LRRTM4: variants seen among roughly 807,000 people sequenced by gnomAD.
LRRTM4 encodes the protein leucine-rich repeat transmembrane neuronal protein 4.
LRRTM4 carries 25 observed loss-of-function variants against 47.6 expected under a neutral mutation model. The ratio of observed to expected loss-of-function variants is 0.53; its 90% confidence interval spans 0.38 to 0.73. The LOEUF (loss-of-function observed/expected upper bound fraction) is 0.73, where lower values mean the gene tolerates loss of function less well. LRRTM4 is among the 30% of genes least tolerant of loss of function. LRRTM4 has a pLI of 0.00. For synonymous variants in LRRTM4, 311 were observed against 269.5 expected, an observed-to-expected ratio of 1.15 and a Z score of -1.51; for missense variants, 638 against 713.4, an observed-to-expected ratio of 0.89 and a Z score of 1.20.
intron 3 of LRRTM4, among the ~76,000 whole-genome samples, chr2:77,150,944 A>G (rs751228353): frequency 6.6e-6 from 1 of 152,044 alleles, no homozygotes; most frequent in Non-Finnish European, 1.5e-5. Flanking sequence ...CCTTCCATTT[A>G]TTCAACAGGT....
At chr2:76,805,703 T>A (rs1408108212) in intron 3 of LRRTM4, among the ~76,000 whole-genome samples, 1 of 152,160 alleles carries the variant, frequency 6.6e-6, no homozygotes, top group South Asian at 2.1e-4. Context: ...ACGCATACCA[T>A]GTATGAAGCA....
chr2:76,809,659 T>C (rs1200443966), intron 3 of LRRTM4, among the ~76,000 whole-genome samples: 2 of 152,186 alleles, frequency 1.3e-5, no homozygotes, highest in Non-Finnish European at 2.9e-5. Context: ...CTCTTCTGCT[T>C]AGTGTCTGCC....
chr2:76,807,835 C>A, intron 3 of LRRTM4, among the ~76,000 whole-genome samples: 1 of 151,886 alleles, frequency 6.6e-6, no homozygotes, highest in East Asian at 1.9e-4. Flanking sequence ...CCTGCCCCAG[C>A]CTCCCAAAGT....
chr2:77,440,377 G>A (rs548846312), intron 3 of LRRTM4, among the ~76,000 whole-genome samples: 230 of 152,204 alleles, frequency 1.5e-3, no homozygotes, highest in Non-Finnish European at 2.7e-3. Flanking sequence ...TCGTGCCACT[G>A]CACTCCAGCC....
chr2:76,880,257 G>A (rs1210136712), intron 3 of LRRTM4, among the ~76,000 whole-genome samples: 1 of 152,068 alleles, frequency 6.6e-6, no homozygotes, highest in East Asian at 1.9e-4. Flanking sequence ...AACACCAAGG[G>A]AAACTTTATT....
rs1213543985 is a variant in LRRTM4 at position 76,979,790 on chromosome 2, C to G, written c.1552-230874G>C. Reference sequence around the variant, plus strand: ...GTATTTGAAGATGTTTCAGCTCACACCAACATGGCTATATATTAAAATAGT... The same window carrying G: ...GTATTTGAAGATGTTTCAGCTCACAGCAACATGGCTATATATTAAAATAGT... On this transcript the variant is annotated intron_variant, in intron 3 of 3. Transcript: ENST00000409884. 2.6e-5 allele frequency among the ~76,000 whole-genome samples: 4 copies of G among 151,896 alleles called. No individual in the cohort carries two copies. In the East Asian group the frequency reaches 7.8e-4, roughly 29 times the overall value.
intron 3 of LRRTM4, among the ~76,000 whole-genome samples, chr2:77,255,589 A>G (rs538703375): frequency 7.9e-4 from 121 of 152,208 alleles, no homozygotes; most frequent in African/African-American, 2.7e-3. Context: ...CTGCAATGGC[A>G]TCAGAGTAGC....
chr2:77,294,415 A>C (rs1676913425), intron 3 of LRRTM4, among the ~76,000 whole-genome samples: 1 of 152,140 alleles, frequency 6.6e-6, no homozygotes, highest in Non-Finnish European at 1.5e-5. Flanking sequence ...TGCATTTGGC[A>C]GAATGTATTC....
At chr2:77,004,740 AG>A (rs2104037846) in intron 3 of LRRTM4, among the ~76,000 whole-genome samples, 1 of 152,290 alleles carries the variant, frequency 6.6e-6, no homozygotes, top group African/African-American at 2.4e-5. Flanking sequence ...ACTCACTGCC[AG>A]CACATGAAAG....
At chr2:77,452,321 G>T (rs145742475) in intron 3 of LRRTM4, among the ~76,000 whole-genome samples, 1 of 152,156 alleles carries the variant, frequency 6.6e-6, no homozygotes, top group East Asian at 1.9e-4. Context: ...ATATTTAGGT[G>T]GTGGAACCAA....
At chr2:77,032,629 T>C (rs1678702643) in intron 3 of LRRTM4, among the ~76,000 whole-genome samples, 1 of 152,156 alleles carries the variant, frequency 6.6e-6, no homozygotes, top group Non-Finnish European at 1.5e-5. Flanking sequence ...TCCTAAAAGC[T>C]GTTCAGTTTT....
chr2:77,198,076 G>T (rs1020037270), intron 3 of LRRTM4, among the ~76,000 whole-genome samples: 1 of 152,120 alleles, frequency 6.6e-6, no homozygotes, highest in African/African-American at 2.4e-5. Context: ...CAAAACCTCA[G>T]TAGTTTAAAC....
chr2:76,749,098 C>T (rs1024752732), intron 3 of LRRTM4, among the ~76,000 whole-genome samples, 182 bp from the exon 4 acceptor site: 24 of 152,148 alleles, frequency 1.6e-4, no homozygotes, highest in African/African-American at 4.8e-4. Flanking sequence ...GTTTTGTCAG[C>T]ATATTATGTG....
chr2:77,075,759 C>CA (rs1463384172), intron 3 of LRRTM4, among the ~76,000 whole-genome samples: 1 of 149,656 alleles, frequency 6.7e-6, no homozygotes, highest in Non-Finnish European at 1.5e-5. Flanking sequence ...ACTAAAAATA[C>CA]AAAAAATTAG....
chr2:77,505,027 A>G (rs1678715002), intron 3 of LRRTM4, among the ~76,000 whole-genome samples: 1 of 151,340 alleles, frequency 6.6e-6, no homozygotes, highest in African/African-American at 2.4e-5. Flanking sequence ...TAGAGCTAGA[A>G]AAAGATAAAT....
chr2:76,938,004 G>A (rs747591475), intron 3 of LRRTM4, among the ~76,000 whole-genome samples: 2 of 151,968 alleles, frequency 1.3e-5, no homozygotes, highest in African/African-American at 2.4e-5. Flanking sequence ...TTCATTAATT[G>A]ATTTTCCTTT....
chr2:76,982,455 C>G (rs149927874), intron 3 of LRRTM4, among the ~76,000 whole-genome samples: 1 of 151,910 alleles, frequency 6.6e-6, no homozygotes, highest in South Asian at 2.1e-4. Context: ...AGTGTATTGC[C>G]CTCATTTTAA....
At chr2:77,325,251 C>CA (rs927284663) in intron 3 of LRRTM4, among the ~76,000 whole-genome samples, 11 of 151,866 alleles carry the variant, frequency 7.2e-5, no homozygotes, top group East Asian at 3.9e-4. Context: ...AACAAACAAA[C>CA]AAAAAAAAGA....
chr2:77,147,562 C>A (rs999404423), intron 3 of LRRTM4, among the ~76,000 whole-genome samples: 1 of 152,150 alleles, frequency 6.6e-6, no homozygotes, highest in Non-Finnish European at 1.5e-5. Context: ...AAGTTTTTCT[C>A]TTCTATACTT....
Sources: gnomAD v4.1 joint callset for allele counts (sites outside exome capture counted in the v4.1 genomes callset) on GRCh38, gnomAD v4.1.1 for gene constraint, MANE v1.5 for transcripts, NCBI Gene and HGNC (gene_info 2026-07-23, HGNC 2026-07-21) for gene names.